Variants in ABHD5 observed in about 807,000 individuals in gnomAD.
ABHD5 encodes the protein 1-acylglycerol-3-phosphate O-acyltransferase ABHD5.
In ABHD5, 30 loss-of-function variants were observed where a neutral mutation model predicts 44.9. That is an observed-to-expected ratio of 0.67 (90% CI 0.50 to 0.91). The LOEUF is 0.91. Among genes scored for constraint, ABHD5 ranks in the 40% least tolerant of loss-of-function variants. ABHD5 has a pLI of 0.00. For synonymous variants in ABHD5, 167 were observed against 147.0 expected (o/e 1.14, Z -0.99); for missense variants, 399 against 423.4 (o/e 0.94, Z 0.50).
chr3:43,710,260 A>G (rs1384177560), intron 3 of ABHD5, among the ~76,000 whole-genome samples: 4 of 152,322 alleles, frequency 2.6e-5, no homozygotes, highest in Admixed American at 6.5e-5. Context: ...GTTATATTCT[A>G]CATATGTTAA....
intron 2 of ABHD5, among the ~76,000 whole-genome samples, chr3:43,700,159 T>G (rs1183099684): frequency 6.6e-6 from 1 of 151,760 alleles, no homozygotes; most frequent in African/African-American, 2.4e-5. Context: ...TCATTTCTTA[T>G]AAAATGAAGG....
At chr3:43,704,100 C>T (rs1192065088) in intron 3 of ABHD5, among the ~76,000 whole-genome samples, 2 of 140,524 alleles carry the variant, frequency 1.4e-5, no homozygotes. Flanking sequence ...TGCAGTGGCG[C>T]GGTATCTCGG....
At chr3:43,728,719 A>T (rs2084894007) in intron 7 of ABHD5, among the ~76,000 whole-genome samples, 2 of 152,224 alleles carry the variant, frequency 1.3e-5, no homozygotes, top group African/African-American at 4.8e-5. Flanking sequence ...TAAGTAAATC[A>T]GGTATCACAC....
At position 43,702,262 on chromosome 3, in the gene ABHD5, A is replaced by G. The variant is rs758868179; in HGVS notation, c.181A>G (p.Asn61Asp). 59 of 1,596,288 alleles carry G rather than the reference A, an allele frequency of 3.7e-5. No homozygotes were observed. The highest frequency in any genetic ancestry group is 5.0e-5 in the Non-Finnish European group (58 of 1,168,482). The change falls in exon 3 of 7, where the codon AAT (asparagine) becomes GAT (aspartate). Residue 61 changes from asparagine (N) to aspartate (D), a missense_variant. Coordinates refer to ENST00000644371, the MANE Select transcript of ABHD5 (RefSeq NM_016006.6). ...AGAACCTGTTCGTATATCTAATGGAAATAAAATATGGACACTGAAGTTCTC... is the reference window on the plus strand; with the variant it reads ...AGAACCTGTTCGTATATCTAATGGAGATAAAATATGGACACTGAAGTTCTC... ...KKEPVRISNG[N>D]KIWTLKFSHN...
downstream of ABHD5, among the ~76,000 whole-genome samples, chr3:43,725,637 A>G (rs2084872136): frequency 1.3e-5 from 2 of 152,178 alleles, no homozygotes; most frequent in Admixed American, 1.3e-4. Context: ...GTTCATCTGC[A>G]AGAGGGGTCA....
At chr3:43,694,706 A>G (rs2084448867) in intron 1 of ABHD5, among the ~76,000 whole-genome samples, 1 of 150,396 alleles carries the variant, frequency 6.6e-6, no homozygotes. Context: ...TTTAAAAGTT[A>G]CAGGTTGGGG....
intron 3 of ABHD5, among the ~76,000 whole-genome samples, chr3:43,706,555 C>A (rs549716780): frequency 6.6e-6 from 1 of 151,934 alleles, no homozygotes; most frequent in East Asian, 1.9e-4. Flanking sequence ...GCAGCCTTGA[C>A]CTCTTACACT....
downstream of ABHD5, among the ~76,000 whole-genome samples, chr3:43,726,004 T>C (rs1342858038): frequency 1.3e-5 from 2 of 152,094 alleles, no homozygotes; most frequent in Non-Finnish European, 2.9e-5. Flanking sequence ...TAGCTGGGAC[T>C]ATAGGCGCCC....
intron 2 of ABHD5, among the ~76,000 whole-genome samples, chr3:43,700,844 G>T (rs2084533580): frequency 6.6e-6 from 1 of 152,138 alleles, no homozygotes; most frequent in South Asian, 2.1e-4. Context: ...AAAGTGCTGG[G>T]ATTACAGGCA....
In ABHD5 at chr3:43,718,557, A is replaced by G; in HGVS notation, c.*25A>G. The stretch of plus-strand genomic sequence containing the variant: ...AACACACTGAAGCTCTGATGGGAAA[A>G]CCTGGTGACTGATATAGTTGTTCAG... On this transcript the variant is annotated 3_prime_UTR_variant, in exon 7 of 7. Transcript: ENST00000644371. 2 of 1,599,754 alleles carry G rather than the reference A, an allele frequency of 1.3e-6. No homozygotes were observed. The highest frequency in any genetic ancestry group is 1.7e-6 in the Non-Finnish European group (2 of 1,166,874).
intron 3 of ABHD5, among the ~76,000 whole-genome samples, chr3:43,710,428 G>C (rs1044498133): frequency 3.9e-5 from 6 of 152,090 alleles, no homozygotes; most frequent in Admixed American, 3.9e-4. Flanking sequence ...GGTATGCTGG[G>C]GTAGAGAAAT....
rs926286635 is a variant in ABHD5 at position 43,721,671 on chromosome 3, G to A, written c.*3139G>A. ...GAGTTTGAGGATGCAGTAAGCCACTGCACTCCAGCCTGGGTGACAGAGAAG... is the reference window on the plus strand; with the variant it reads ...GAGTTTGAGGATGCAGTAAGCCACTACACTCCAGCCTGGGTGACAGAGAAG... On this transcript the variant is annotated 3_prime_UTR_variant, in exon 7 of 7. Transcript: ENST00000644371. The A allele has an allele frequency of 3.3e-5, 5 of 152,054 alleles. No individual in the cohort carries two copies. The highest frequency in any genetic ancestry group is 1.2e-4 in the African/African-American group (5 of 41,398). 9.4% of individuals were successfully genotyped at this position (152,054 alleles called of 1,614,324 possible).
intron 1 of ABHD5, among the ~76,000 whole-genome samples, chr3:43,693,972 A>T (rs2084436996): frequency 6.6e-6 from 1 of 152,116 alleles, no homozygotes; most frequent in Admixed American, 6.5e-5. Context: ...CCAGACCATG[A>T]TCTTATTTTT....
chr3:43,716,992 G>A (rs2084770925), intron 5 of ABHD5, among the ~76,000 whole-genome samples: 1 of 152,108 alleles, frequency 6.6e-6, no homozygotes. Context: ...CCAACATGGT[G>A]AAACCCCGTC....
chr3:43,728,672 T>C (rs928004562), intron 7 of ABHD5, among the ~76,000 whole-genome samples: 1 of 152,232 alleles, frequency 6.6e-6, no homozygotes, highest in Admixed American at 6.5e-5. Context: ...GCCTCATTGT[T>C]CATTAATCTT....
At chr3:43,699,783 A>C (rs2084516934) in intron 2 of ABHD5, 2 of 171,972 alleles carry the variant, frequency 1.2e-5, no homozygotes, top group South Asian at 2.4e-4. Flanking sequence ...CATTGTTTAC[A>C]TGTTTACAAA....
intron 1 of ABHD5, among the ~76,000 whole-genome samples, chr3:43,696,695 A>G (rs1416667715): frequency 6.6e-6 from 1 of 152,224 alleles, no homozygotes; most frequent in Non-Finnish European, 1.5e-5. Context: ...CTTGAAGCCT[A>G]TTATGTATAT....
chr3:43,718,507 A>T lies in ABHD5; in HGVS notation c.1025A>T (p.Lys342Met). ...DQPEEFNQKV[K>M]EICDTVD ...CCAGAAGAATTCAACCAGAAAGTAA[A>T]GGAGATCTGCGACACTGTGGACTGA... The change falls in exon 7 of 7, where the codon AAG becomes ATG. Residue 342 changes from lysine to methionine, a missense_variant. Lys to Met is a moderately conservative substitution (Grantham distance 95, BLOSUM62 -1). Transcript: ENST00000644371. 3 of 1,614,162 alleles carry T rather than the reference A, an allele frequency of 1.9e-6. No homozygotes were observed. Among genetic ancestry groups the T allele is most frequent in the Non-Finnish European group, 2.5e-6 (3 of 1,180,006 alleles).
chr3:43,713,233 G>T (rs182967283), intron 4 of ABHD5, among the ~76,000 whole-genome samples: 2 of 144,054 alleles, frequency 1.4e-5, no homozygotes, highest in African/African-American at 5.2e-5. Flanking sequence ...TGAGACATGA[G>T]AATTACTCAA....
Sources: gnomAD v4.1 joint callset for allele counts (sites outside exome capture counted in the v4.1 genomes callset) on GRCh38, gnomAD v4.1.1 for gene constraint, MANE v1.5 for transcripts, NCBI Gene and HGNC (gene_info 2026-07-23, HGNC 2026-07-21) for gene names.